TMEM143: variants seen among roughly 807,000 people sequenced by gnomAD.
TMEM143 encodes the protein transmembrane protein 143.
In TMEM143, 45 loss-of-function variants were observed where a neutral mutation model predicts 40.3. The observed-to-expected ratio is 1.12, with a 90% CI of 0.88 to 1.43. The LOEUF (loss-of-function observed/expected upper bound fraction) is 1.43, where lower values mean the gene tolerates loss of function less well. TMEM143 is among the 40% of genes most tolerant of loss of function. The pLI, the probability that TMEM143 is intolerant of heterozygous loss-of-function variation, is 0.00. For missense variants in TMEM143, 620 were observed against 613.4 expected (o/e 1.01, Z -0.11); for synonymous variants, 299 against 282.7 (o/e 1.06, Z -0.58).
intron 6 of TMEM143, among the ~76,000 whole-genome samples, chr19:48,341,370 A>G (rs905436943): frequency 6.6e-6 from 1 of 152,204 alleles, no homozygotes; most frequent in Non-Finnish European, 1.5e-5. Flanking sequence ...TAGCAGAATC[A>G]AAAGGGAGCT....
intron 3 of TMEM143, among the ~76,000 whole-genome samples, chr19:48,355,006 A>G (rs1969853494): frequency 6.6e-6 from 1 of 152,066 alleles, no homozygotes; most frequent in Admixed American, 6.6e-5. Context: ...ACATTTCTAT[A>G]ATAAAATAGG....
intron 3 of TMEM143, among the ~76,000 whole-genome samples, chr19:48,359,602 G>C (rs1969990448): frequency 6.6e-6 from 1 of 151,324 alleles, no homozygotes; most frequent in Non-Finnish European, 1.5e-5. Flanking sequence ...CGCCTCCCGG[G>C]TTCATGCCAT....
intron 6 of TMEM143, among the ~76,000 whole-genome samples, chr19:48,341,542 A>C (rs1969487484): frequency 6.6e-6 from 1 of 152,126 alleles, no homozygotes; most frequent in African/African-American, 2.4e-5. Flanking sequence ...TAATGATAAT[A>C]ATCATCATCC....
intron 3 of TMEM143, among the ~76,000 whole-genome samples, chr19:48,356,973 C>T (rs1294786148): frequency 7.7e-6 from 1 of 130,206 alleles, no homozygotes; most frequent in African/African-American, 3.0e-5. Context: ...GGCGCGATCT[C>T]GGTTCACTGC....
intron 3 of TMEM143, 127 bp downstream of exon 3, chr19:48,359,945 T>C: frequency 1.2e-6 from 1 of 862,518 alleles, no homozygotes; most frequent in South Asian, 1.7e-5. Context: ...ACTTCACCTG[T>C]CATGTTCACT....
intron 3 of TMEM143, 170 bp downstream of exon 3, chr19:48,359,902 C>T (rs781374801): frequency 8.1e-5 from 50 of 614,148 alleles, no homozygotes; most frequent in Admixed American, 1.5e-4. Flanking sequence ...TTCCTTGTCT[C>T]CCCACTTGGA....
intron 3 of TMEM143, among the ~76,000 whole-genome samples, chr19:48,348,926 A>G (rs1321411112): frequency 6.6e-6 from 1 of 152,166 alleles, no homozygotes; most frequent in African/African-American, 2.4e-5. Flanking sequence ...CTGTAATCCC[A>G]GTAGTTTGGG....
intron 2 of TMEM143, among the ~76,000 whole-genome samples, chr19:48,362,628 C>T (rs1970074036): frequency 6.6e-6 from 1 of 151,960 alleles, no homozygotes; most frequent in African/African-American, 2.4e-5. Context: ...AGAGTGAGAC[C>T]AAGACTAGGA....
Position 48,343,448 on chromosome 19 carries a change from T to A in TMEM143, c.568A>T (p.Thr190Ser). The change falls in exon 5 of 8, where the codon ACA becomes TCA. Residue 190 changes from threonine (T) to serine (S), a missense_variant. Thr to Ser is a moderately conservative substitution (Grantham distance 58). Coordinates refer to ENST00000293261, the MANE Select transcript of TMEM143 (RefSeq NM_018273.4). Reference protein sequence around the residue: ...VHHPQDEVQVTVNLDQYVYIH... With the variant: ...VHHPQDEVQVSVNLDQYVYIH... Reference sequence around the variant, plus strand: ...TAGACATACTGATCCAAATTTACTGTCACCTGCCGGGGGGATGAAGGAAGC... The same window carrying A: ...TAGACATACTGATCCAAATTTACTGACACCTGCCGGGGGGATGAAGGAAGC... 3.2e-6 allele frequency: 5 copies of A among 1,575,226 alleles called. No homozygotes were observed. Among genetic ancestry groups the A allele is most frequent in the Non-Finnish European group, 4.3e-6 (5 of 1,159,708 alleles).
At chr19:48,359,035 C>G (rs554965547) in intron 3 of TMEM143, among the ~76,000 whole-genome samples, 1 of 152,152 alleles carries the variant, frequency 6.6e-6, no homozygotes, top group African/African-American at 2.4e-5. Flanking sequence ...AGGGGGAGGT[C>G]GTGGACGCCT....
chr19:48,360,070 A>C lies in TMEM143; in HGVS notation c.369+2T>G. The C allele has an allele frequency of 6.2e-7, 1 of 1,613,918 alleles. No homozygotes were observed. The highest frequency in any genetic ancestry group is 1.7e-5 in the Admixed American group (1 of 60,002). ...ACAGGGCTGGAAGGGCCCCGTCCTCACCTGCAGCCGGGCCAGGATTTGGTG... is the reference window on the plus strand; with the variant it reads ...ACAGGGCTGGAAGGGCCCCGTCCTCCCCTGCAGCCGGGCCAGGATTTGGTG... On this transcript the variant is annotated splice_donor_variant, in intron 3 of 7. Transcript: ENST00000293261. LOFTEE classifies it high-confidence loss of function.
At chr19:48,335,744 A>C (rs1969353242) in intron 6 of TMEM143, among the ~76,000 whole-genome samples, 1 of 151,944 alleles carries the variant, frequency 6.6e-6, no homozygotes, top group Non-Finnish European at 1.5e-5. Context: ...AATAATAATA[A>C]TTAGCTGGGT....
In TMEM143 at chr19:48,333,254, G is replaced by C. The variant is rs556689759; in HGVS notation, c.1345C>G (p.Pro449Ala). The part of the protein sequence containing the change: ...LDPVAPITSE[P>A]PQATPSSNIS ...TTACTGCTGGGCGTGGCTTGCGGGG[G>C]CTCGGAAGTGATCGGAGCCACTGGG... Residue 449 changes from proline (P) to alanine (A), a missense_variant, in exon 8 of 8, where the codon CCC (proline) becomes GCC (alanine). Physicochemically the swap from Pro to Ala is conservative, Grantham distance 27 (BLOSUM62 -1). Transcript: ENST00000293261. The surrounding 1 kb of genome is among the most constrained non-coding windows in gnomAD (Gnocchi z 4.1). 2.0e-6 allele frequency: 3 copies of C among 1,512,942 alleles called. No homozygotes were observed. The Admixed American group carries it at 5.8e-5, about 29-fold the overall frequency. The allele number at this position is 1,512,942 out of a possible 1,614,324, so 93.7% of individuals were successfully genotyped here. A position where few individuals can be genotyped will look rare whatever the true frequency, so the allele number is the denominator to read the frequency against.
chr19:48,360,148 G>T lies in TMEM143; in HGVS notation c.293C>A (p.Ala98Glu), dbSNP rs544787964. The change falls in exon 3 of 8, where the codon GCG (alanine) becomes GAG (glutamate). Residue 98 changes from alanine (A) to glutamate (E), a missense_variant. Transcript: ENST00000293261. ...GTGGGCCGAGAACGCCTCCAAAGCC[G>T]CCTTCTCTGCCGGACTCGAGTGGAA... ...QEFHSSPAEK[A>E]ALEAFSAHVD... 6.2e-7 allele frequency: 1 copy of T among 1,614,076 alleles called. No individual in the cohort carries two copies. The highest frequency in any genetic ancestry group is 1.3e-5 in the African/African-American group (1 of 75,036).
intron 3 of TMEM143, among the ~76,000 whole-genome samples, chr19:48,355,573 C>T (rs555036041): frequency 1.1e-4 from 17 of 152,210 alleles, no homozygotes; most frequent in Non-Finnish European, 1.5e-4. Flanking sequence ...ACACAGCAAG[C>T]GCTCAGCAAC....
intron 5 of TMEM143, 67 bp from the exon 6 acceptor site, chr19:48,342,876 C>T: frequency 6.6e-7 from 1 of 1,507,754 alleles, no homozygotes; most frequent in Non-Finnish European, 8.9e-7. Context: ...CCCTCCAATC[C>T]TAGGACGCTC....
intron 6 of TMEM143, among the ~76,000 whole-genome samples, chr19:48,336,656 C>T (rs983753939): frequency 6.6e-6 from 1 of 151,444 alleles, no homozygotes; most frequent in African/African-American, 2.4e-5. Flanking sequence ...GAGCCGAGAT[C>T]GTGCCACGGC....
chr19:48,360,929 G>A (rs913965767), intron 2 of TMEM143, among the ~76,000 whole-genome samples: 1 of 151,728 alleles, frequency 6.6e-6, no homozygotes, highest in Non-Finnish European at 1.5e-5. Context: ...TAAGACTACA[G>A]GTGCCCACCA....
chr19:48,349,714 G>A (rs1348030486), intron 3 of TMEM143, among the ~76,000 whole-genome samples: 3 of 151,414 alleles, frequency 2.0e-5, no homozygotes, highest in African/African-American at 7.3e-5. Flanking sequence ...GCCACCCTGT[G>A]TGGTTGGGCA....
Sources: allele counts gnomAD v4.1 joint callset (sites outside exome capture counted in the v4.1 genomes callset), GRCh38; gene constraint gnomAD v4.1.1; non-coding constraint Gnocchi (gnomAD v3.1); transcripts MANE v1.5; gene names NCBI Gene and HGNC (gene_info 2026-07-23, HGNC 2026-07-21).